Variants in FOXJ3 observed in about 807,000 individuals in gnomAD.
FOXJ3 encodes the protein forkhead box J3.
Under a neutral mutation model 76.1 loss-of-function variants are expected in FOXJ3, and 22 were observed. The ratio of observed to expected loss-of-function variants is 0.29; its 90% CI spans 0.21 to 0.41. The LOEUF (loss-of-function observed/expected upper bound fraction) is 0.41. Ranked by LOEUF, FOXJ3 falls within the 10% of genes least tolerant of loss-of-function variation. The pLI is 1.00. For missense variants in FOXJ3, 613 were observed against 762.1 expected, an observed-to-expected ratio of 0.80 and a Z score of 2.30; for synonymous variants, 269 against 261.2, an observed-to-expected ratio of 1.03 and a Z score of -0.29.
chr1:42,197,646 A>T (rs1646677082), intron 7 of FOXJ3, among the ~76,000 whole-genome samples: 1 of 151,920 alleles, frequency 6.6e-6, no homozygotes, highest in Non-Finnish European at 1.5e-5. Context: ...CAATGTAAAC[A>T]GTTGTTAAAC....
At chr1:42,273,523 A>C (rs578174635) in intron 3 of FOXJ3, among the ~76,000 whole-genome samples, 14 of 152,034 alleles carry the variant, frequency 9.2e-5, no homozygotes, top group Admixed American at 6.6e-4. Flanking sequence ...AAAATACAAA[A>C]AAATAGCTAG....
chr1:42,313,116 C>T (rs558514191), intron 1 of FOXJ3, among the ~76,000 whole-genome samples: 10 of 152,130 alleles, frequency 6.6e-5, no homozygotes, highest in South Asian at 2.1e-4. Context: ...GGCCGGATCA[C>T]CTGAGGTCAG....
chr1:42,317,504 A>G (rs898052945), intron 1 of FOXJ3, among the ~76,000 whole-genome samples: 1 of 138,020 alleles, frequency 7.2e-6, no homozygotes, highest in Non-Finnish European at 1.5e-5. Context: ...CAGATAATTA[A>G]GAGAAACCAT....
At chr1:42,204,912 T>C (rs1476526667) in intron 6 of FOXJ3, among the ~76,000 whole-genome samples, 1 of 152,116 alleles carries the variant, frequency 6.6e-6, no homozygotes, top group South Asian at 2.1e-4. Context: ...AGGAGTACCA[T>C]ATTAGTGCAA....
At chr1:42,228,775 G>A (rs1411459744) in intron 4 of FOXJ3, among the ~76,000 whole-genome samples, 3 of 152,044 alleles carry the variant, frequency 2.0e-5, no homozygotes, top group East Asian at 1.9e-4. Context: ...ACACACACAT[G>A]GGGGAGGAAA....
intron 1 of FOXJ3, chr1:42,323,869 T>C (rs774793930): frequency 5.8e-6 from 1 of 172,616 alleles, no homozygotes; most frequent in Non-Finnish European, 1.2e-5. Flanking sequence ...TTTGCCTCAA[T>C]TACAACTAAC....
chr1:42,327,874 C>T lies in FOXJ3; in HGVS notation c.-18+7185G>A, dbSNP rs116279515. ...TTTATACTCCAGGTGAAAACTCTGA[C>T]TGAAAGTCAGTTTACTGGGTAAAGC... On this transcript the variant is annotated intron_variant, in intron 1 of 12. Transcript: ENST00000361346. 7.4e-3 allele frequency among the ~76,000 whole-genome samples: 1,131 copies of T among 152,288 alleles called. 16 individuals carry two copies. Among genetic ancestry groups the T allele is most frequent in the African/African-American group, 0.026 (1,069 of 41,562 alleles).
At chr1:42,182,962 A>T (rs1646354264) in intron 11 of FOXJ3, among the ~76,000 whole-genome samples, 2 of 151,934 alleles carry the variant, frequency 1.3e-5, no homozygotes, top group South Asian at 4.2e-4. Context: ...AAGAGCTACA[A>T]CAAGCAATGA....
chr1:42,275,551 C>T (rs899372747), intron 3 of FOXJ3, among the ~76,000 whole-genome samples: 2 of 152,058 alleles, frequency 1.3e-5, no homozygotes, highest in Non-Finnish European at 2.9e-5. Flanking sequence ...AGCACCCACC[C>T]GTAGTCGTAG....
intron 3 of FOXJ3, among the ~76,000 whole-genome samples, chr1:42,277,378 C>A (rs1267810584): frequency 6.7e-6 from 1 of 150,008 alleles, no homozygotes; most frequent in Non-Finnish European, 1.5e-5. Flanking sequence ...AAAAAAAAAT[C>A]TTGGCCAGGC....
intron 1 of FOXJ3, among the ~76,000 whole-genome samples, chr1:42,327,812 G>A (rs1207235442): frequency 6.6e-6 from 1 of 152,180 alleles, no homozygotes; most frequent in Non-Finnish European, 1.5e-5. Context: ...CCACTGAGGA[G>A]GACTCTAGGT....
At chr1:42,182,158 T>C in intron 11 of FOXJ3, 134 bp from the exon 12 acceptor site, 1 of 580,698 alleles carries the variant, frequency 1.7e-6, no homozygotes, top group East Asian at 3.1e-5. Flanking sequence ...GGGAAGAAAA[T>C]ATTACTCCTT....
chr1:42,198,567 T>C (rs585320), intron 7 of FOXJ3, among the ~76,000 whole-genome samples: 29,020 of 152,142 alleles, frequency 0.19, 2,856 homozygotes, highest in South Asian at 0.25. Flanking sequence ...GTTCTTGTAA[T>C]AGGTAACAAA....
At chr1:42,239,262 C>T (rs1263206380) in intron 4 of FOXJ3, among the ~76,000 whole-genome samples, 1 of 150,282 alleles carries the variant, frequency 6.7e-6, no homozygotes, top group Non-Finnish European at 1.5e-5. Flanking sequence ...TCTTGCCTTA[C>T]TCCATTGGCT....
rs147103980 is a variant in FOXJ3, at chr1:42,246,779, T to C, written c.444+18336A>G. On this transcript the variant is annotated intron_variant, in intron 4 of 12. Coordinates refer to ENST00000361346, the MANE Select transcript of FOXJ3 (RefSeq NM_014947.5). Reference sequence around the variant, plus strand: ...AACATTATTCACAAAAGCAAAGATATAGAATCAAACTGAATATCCATCAAT... The same window carrying C: ...AACATTATTCACAAAAGCAAAGATACAGAATCAAACTGAATATCCATCAAT... Among the ~76,000 whole-genome samples, 262 of 152,166 alleles carry C rather than the reference T, an allele frequency of 1.7e-3. 2 individuals carry two copies. Among genetic ancestry groups the C allele is most frequent in the Admixed American group, 0.016 (246 of 15,288 alleles).
At chr1:42,183,877 A>T (rs893239486) in intron 11 of FOXJ3, among the ~76,000 whole-genome samples, 2 of 152,090 alleles carry the variant, frequency 1.3e-5, no homozygotes, top group South Asian at 4.1e-4. Flanking sequence ...GGACAGAGGA[A>T]ATGAGACAGA....
At chr1:42,249,702 TG>T (rs1427450551) in intron 4 of FOXJ3, among the ~76,000 whole-genome samples, 1 of 152,208 alleles carries the variant, frequency 6.6e-6, no homozygotes, top group East Asian at 1.9e-4. Context: ...CAGACACTGC[TG>T]GGTATGATGG....
intron 3 of FOXJ3, among the ~76,000 whole-genome samples, chr1:42,275,213 A>G (rs913757013): frequency 2.0e-5 from 3 of 152,194 alleles, no homozygotes; most frequent in Non-Finnish European, 4.4e-5. Context: ...TAAATCAGCA[A>G]ATGTCTCTAA....
intron 11 of FOXJ3, among the ~76,000 whole-genome samples, chr1:42,185,351 T>G (rs964439505): frequency 6.8e-6 from 1 of 146,438 alleles, no homozygotes; most frequent in African/African-American, 2.6e-5. Flanking sequence ...TCTGCCTCCC[T>G]GGTTCATGCC....
Sources: gnomAD v4.1 joint callset for allele counts (sites outside exome capture counted in the v4.1 genomes callset) on GRCh38, gnomAD v4.1.1 for gene constraint, MANE v1.5 for transcripts, NCBI Gene and HGNC (gene_info 2026-07-23, HGNC 2026-07-21) for gene names.